S100A13: variants seen among roughly 807,000 people sequenced by gnomAD.
S100A13 encodes protein S100-A13.
S100A13 carries 6 observed loss-of-function variants against 8.2 expected under a neutral mutation model. The observed-to-expected ratio is 0.73, with a 90% CI of 0.40 to 1.44. The LOEUF (loss-of-function observed/expected upper bound fraction) is 1.44. Among genes scored for constraint, S100A13 ranks in the 40% most tolerant of loss-of-function variants. S100A13 has a pLI of 0.02. For synonymous variants in S100A13, 39 were observed against 45.9 expected, an observed-to-expected ratio of 0.85 and a Z score of 0.61; for missense variants, 114 against 113.6, an observed-to-expected ratio of 1.00 and a Z score of -0.02.
intron 2 of S100A13, among the ~76,000 whole-genome samples, chr1:153,620,649 C>T (rs951408440): frequency 1.3e-5 from 2 of 152,036 alleles, no homozygotes; most frequent in African/African-American, 4.8e-5. Context: ...AAGTTGAATC[C>T]ATGTGAATGA....
intron 2 of S100A13, among the ~76,000 whole-genome samples, chr1:153,622,452 C>T (rs1041769809): frequency 1.3e-5 from 2 of 152,164 alleles, no homozygotes; most frequent in East Asian, 3.8e-4. Flanking sequence ...ATTTTTCCAC[C>T]AGTATGTAGG....
intron 1 of S100A13, 47 bp from the exon 2 acceptor site, chr1:153,626,580 G>C (rs1667650089): frequency 2.6e-6 from 3 of 1,159,890 alleles, no homozygotes; most frequent in Non-Finnish European, 3.7e-6. Context: ...GGAGCCCCAA[G>C]ATGCAGGAAT....
At chr1:153,625,159 G>A (rs1316396450) in intron 2 of S100A13, among the ~76,000 whole-genome samples, 1 of 152,162 alleles carries the variant, frequency 6.6e-6, no homozygotes, top group Non-Finnish European at 1.5e-5. Flanking sequence ...GATTGCCTGA[G>A]CCCGGAAGGT....
At chr1:153,630,301 C>T, upstream of S100A13, 1 of 602,496 alleles carries the variant, frequency 1.7e-6, no homozygotes. Flanking sequence ...GGGGTACAGA[C>T]TGAGGGACAC....
upstream of S100A13, chr1:153,630,688 G>A (rs201157201): frequency 1.2e-6 from 2 of 1,611,662 alleles, no homozygotes; most frequent in Non-Finnish European, 8.5e-7. Flanking sequence ...TGGAGTGGGA[G>A]TGGAGTGGGT....
At chr1:153,626,657 G>C (rs553138881) in intron 1 of S100A13, 124 bp from the exon 2 acceptor site, 74 of 563,102 alleles carry the variant, frequency 1.3e-4, no homozygotes, top group South Asian at 6.7e-4. Context: ...TATGGGGAAA[G>C]AGGGAGAGGA....
chr1:153,618,934 T>C lies in S100A13; in HGVS notation c.258A>G (p.Glu86=). The C allele has an allele frequency of 1.9e-6, 3 of 1,614,094 alleles. No individual in the cohort carries two copies. The highest frequency in any genetic ancestry group is 2.5e-6 in the Non-Finnish European group (3 of 1,180,024). ...YWRLIGELAK[E]IRKKKDLKIR... The stretch of plus-strand genomic sequence containing the variant: ...TCTTCAGGTCTTTCTTCTTCCTGAT[T>C]TCCTTGGCCAGCTCCCCAATCAATC... Residue 86 remains glutamate, a synonymous_variant, in exon 3 of 3, where the codon GAA becomes GAG. Coordinates refer to ENST00000476133, the MANE Select transcript of S100A13 (RefSeq NM_001024211.2).
At chr1:153,632,553 G>A (rs1668083681), upstream of S100A13, among the ~76,000 whole-genome samples, 1 of 152,064 alleles carries the variant, frequency 6.6e-6, no homozygotes, top group Non-Finnish European at 1.5e-5. Context: ...TTACAGGCAT[G>A]AGCCACCGCG....
chr1:153,630,998 A>G (rs1667981582), upstream of S100A13: 1 of 372,764 alleles, frequency 2.7e-6, no homozygotes, highest in Non-Finnish European at 4.8e-6. Flanking sequence ...AAGGGTTATG[A>G]GAGATTATTA....
intron 2 of S100A13, among the ~76,000 whole-genome samples, chr1:153,625,419 G>A (rs1667554360): frequency 1.3e-5 from 2 of 152,224 alleles, no homozygotes; most frequent in African/African-American, 4.8e-5. Flanking sequence ...CAGAGTCGAT[G>A]AAATTTAAGA....
At chr1:153,631,621 C>T (rs1437117149), upstream of S100A13, 6 of 1,613,680 alleles carry the variant, frequency 3.7e-6, no homozygotes, top group Admixed American at 6.7e-5. Context: ...CCTCCTGCTC[C>T]TCAACCACCC....
upstream of S100A13, chr1:153,627,959 A>T: frequency 2.8e-6 from 4 of 1,413,268 alleles, no homozygotes; most frequent in Non-Finnish European, 3.8e-6. Flanking sequence ...CCCCACACAC[A>T]GAGGGGGATC....
chr1:153,628,628 T>C, upstream of S100A13: 2 of 1,414,122 alleles, frequency 1.4e-6, no homozygotes, highest in Non-Finnish European at 1.9e-6. Flanking sequence ...TCAGTCAGGG[T>C]GAGGGCAGTT....
At chr1:153,628,208 A>G (rs1408329093), upstream of S100A13, 1 of 1,548,044 alleles carries the variant, frequency 6.5e-7, no homozygotes. Flanking sequence ...CCTCCTTCCC[A>G]CCTCTTTCCC....
upstream of S100A13, chr1:153,630,762 T>C (rs1475653935): frequency 6.9e-7 from 1 of 1,458,680 alleles, no homozygotes; most frequent in African/African-American, 1.4e-5. Flanking sequence ...CAGCTCAGCC[T>C]AGCCTCTTTC....
upstream of S100A13, chr1:153,633,911 G>GA (rs1401394032): frequency 2.6e-5 from 4 of 152,078 alleles, no homozygotes; most frequent in East Asian, 7.7e-4. Flanking sequence ...TAGGGGCGGG[G>GA]CACTGCATGG....
At chr1:153,633,542 G>C, upstream of S100A13, among the ~76,000 whole-genome samples, 1 of 152,190 alleles carries the variant, frequency 6.6e-6, no homozygotes, top group East Asian at 1.9e-4. Flanking sequence ...GGAAAACATG[G>C]ACGGGCGGTG....
upstream of S100A13, chr1:153,631,213 C>A: frequency 2.0e-6 from 1 of 492,160 alleles, no homozygotes. Context: ...TAAGGCTAAC[C>A]AGGGCCCCAA....
chr1:153,618,857 C>A lies in S100A13; in HGVS notation c.*38G>T, dbSNP rs764433122. 6.2e-6 allele frequency: 10 copies of A among 1,607,614 alleles called. No individual in the cohort carries two copies. The South Asian group carries it at 1.1e-4, about 18-fold the overall frequency. Reference sequence around the variant, plus strand: ...GAGTGCGGTTCTGCTCGGCCCTGATCAGCTCTGCCCTGCCCACCCCATCTC... The same window carrying A: ...GAGTGCGGTTCTGCTCGGCCCTGATAAGCTCTGCCCTGCCCACCCCATCTC... On this transcript the variant is annotated 3_prime_UTR_variant, in exon 3 of 3. Transcript: ENST00000476133.
Sources: allele counts gnomAD v4.1 joint callset (sites outside exome capture counted in the v4.1 genomes callset), GRCh38; gene constraint gnomAD v4.1.1; transcripts MANE v1.5; gene names NCBI Gene and HGNC (gene_info 2026-07-23, HGNC 2026-07-21).